The following ROBO2 variants were observed in gnomAD, a reference collection of about 807,000 sequenced individuals.
ROBO2 encodes the protein roundabout homolog 2.
ROBO2 carries 53 observed loss-of-function variants against 160.8 expected under a neutral mutation model. The ratio of observed to expected loss-of-function variants is 0.33; its 90% CI spans 0.26 to 0.41. The LOEUF (loss-of-function observed/expected upper bound fraction) is 0.41. Among genes scored for constraint, ROBO2 ranks in the 10% least tolerant of loss-of-function variants. The probability of loss-of-function intolerance (pLI) is 1.00; values close to 1 mark genes in which losing one functional copy is unlikely to be tolerated. For missense variants in ROBO2, 1,577 were observed against 1,722.4 expected, an observed-to-expected ratio of 0.92 and a Z score of 1.49; for synonymous variants, 664 against 611.7, an observed-to-expected ratio of 1.09 and a Z score of -1.26.
chr3:75,956,384 G>T (rs1429465198), intron 2 of ROBO2, among the ~76,000 whole-genome samples: 1 of 151,648 alleles, frequency 6.6e-6, no homozygotes, highest in Non-Finnish European at 1.5e-5. Flanking sequence ...TCTCTGGATT[G>T]TGAGACTTAT....
intron 2 of ROBO2, among the ~76,000 whole-genome samples, chr3:76,220,578 C>G (rs1326928037): frequency 2.0e-5 from 3 of 152,124 alleles, no homozygotes; most frequent in African/African-American, 4.8e-5. Flanking sequence ...GCCTCCAAAA[C>G]TGTGAAAAAT....
At chr3:77,356,684 G>A (rs1044930914) in intron 2 of ROBO2, among the ~76,000 whole-genome samples, 3 of 152,072 alleles carry the variant, frequency 2.0e-5, no homozygotes, top group Non-Finnish European at 2.9e-5. Context: ...ATTAGTAAAC[G>A]GTTAAAATAT....
At chr3:76,670,343 T>G (rs765310782) in intron 2 of ROBO2, among the ~76,000 whole-genome samples, 2 of 151,946 alleles carry the variant, frequency 1.3e-5, no homozygotes, top group African/African-American at 2.4e-5. Context: ...TCATAGTAGT[T>G]TCTTTCAGGT....
At position 77,048,753 on chromosome 3, in the gene ROBO2, TG is replaced by T. The variant is rs371012269; in HGVS notation, c.61+7908del. Among the ~76,000 whole-genome samples, 22 of 152,348 alleles carry T rather than the reference TG, an allele frequency of 1.4e-4. 1 individual carries two copies. Among genetic ancestry groups the T allele is most frequent in the African/African-American group, 5.3e-4 (22 of 41,586 alleles). Reference sequence around the variant, plus strand: ...TTTATAATTATCCATTAGTTACATTTGCACAATGAGTAGTTATGCATATCAG... The same window carrying T: ...TTTATAATTATCCATTAGTTACATTTCACAATGAGTAGTTATGCATATCAG... On this transcript the variant is annotated intron_variant, in intron 1 of 25. Transcript: ENST00000461745.
chr3:77,120,648 G>T (rs2074661906), intron 2 of ROBO2, among the ~76,000 whole-genome samples: 1 of 152,112 alleles, frequency 6.6e-6, no homozygotes, highest in Non-Finnish European at 1.5e-5. Context: ...GATAGGAGTT[G>T]GCTTTGAAGA....
chr3:76,917,786 TA>T (rs5850301), intron 2 of ROBO2, among the ~76,000 whole-genome samples: 26,979 of 151,168 alleles, frequency 0.18, 2,401 homozygotes, highest in Non-Finnish European at 0.19. Flanking sequence ...AGTTTTATTC[TA>T]AAAAAAAATG....
intron 2 of ROBO2, among the ~76,000 whole-genome samples, chr3:77,457,599 A>G (rs2081807787): frequency 6.6e-6 from 1 of 152,122 alleles, no homozygotes; most frequent in Non-Finnish European, 1.5e-5. Context: ...CCCATACAAC[A>G]GGGATCACTT....
chr3:76,664,345 C>T (rs1269141169), intron 2 of ROBO2, among the ~76,000 whole-genome samples: 1 of 152,084 alleles, frequency 6.6e-6, no homozygotes, highest in Non-Finnish European at 1.5e-5. Flanking sequence ...GGAAGAAAAA[C>T]TGAAGGCTAC....
intron 2 of ROBO2, among the ~76,000 whole-genome samples, chr3:76,442,699 T>C (rs1456368366): frequency 6.6e-6 from 1 of 152,170 alleles, no homozygotes; most frequent in Non-Finnish European, 1.5e-5. Flanking sequence ...ATCTTCCCAC[T>C]CCATTCTGCC....
At chr3:77,470,098 G>C (rs182974676) in intron 2 of ROBO2, among the ~76,000 whole-genome samples, 231 of 152,264 alleles carry the variant, frequency 1.5e-3, no homozygotes, top group African/African-American at 5.3e-3. Context: ...TGATAATTAG[G>C]TGTTCCTTCA....
intron 2 of ROBO2, among the ~76,000 whole-genome samples, chr3:76,149,910 C>T (rs375343278): frequency 1.3e-5 from 2 of 150,746 alleles, no homozygotes. Flanking sequence ...CTAAAACACA[C>T]ATCTGTCTAA....
At chr3:77,010,853 T>TCCCTCTCTCC (rs1553726477) in intron 2 of ROBO2, among the ~76,000 whole-genome samples, 12 of 93,500 alleles carry the variant, frequency 1.3e-4, no homozygotes, top group Non-Finnish European at 2.3e-4. Context: ...TCCCTCCCTC[T>TCCCTCTCTCC]CTCCCTCCCT....
intron 1 of ROBO2, among the ~76,000 whole-genome samples, chr3:75,907,244 C>T (rs1010569117): frequency 2.6e-5 from 4 of 152,148 alleles, no homozygotes; most frequent in Admixed American, 2.6e-4. Flanking sequence ...GCTTTTAAGA[C>T]GGAAATTTGG....
intron 2 of ROBO2, among the ~76,000 whole-genome samples, chr3:76,708,881 T>C (rs2093227967): frequency 6.6e-6 from 1 of 152,076 alleles, no homozygotes; most frequent in South Asian, 2.1e-4. Context: ...ACCCAAGAGA[T>C]ATTAGGTAAA....
At chr3:76,436,349 C>A (rs1042021168) in intron 2 of ROBO2, among the ~76,000 whole-genome samples, 14 of 152,202 alleles carry the variant, frequency 9.2e-5, no homozygotes, top group African/African-American at 3.1e-4. Flanking sequence ...TCCTTCCCTG[C>A]CAGGTACCTG....
chr3:76,674,250 A>C (rs895555958), intron 2 of ROBO2, among the ~76,000 whole-genome samples: 2 of 152,164 alleles, frequency 1.3e-5, no homozygotes, highest in African/African-American at 4.8e-5. Flanking sequence ...GAAAAATTAA[A>C]ATCCCAATAA....
At chr3:77,232,925 T>G (rs2087420018) in intron 2 of ROBO2, among the ~76,000 whole-genome samples, 1 of 152,334 alleles carries the variant, frequency 6.6e-6, no homozygotes, top group African/African-American at 2.4e-5. Flanking sequence ...CCTAAAATTA[T>G]ATATGATTTC....
At chr3:76,989,867 C>A (rs1388437596) in intron 2 of ROBO2, among the ~76,000 whole-genome samples, 1 of 152,118 alleles carries the variant, frequency 6.6e-6, no homozygotes, top group Non-Finnish European at 1.5e-5. Flanking sequence ...GGCCCATACA[C>A]ATGTGGGCAT....
At chr3:76,469,712 T>C (rs550095926) in intron 2 of ROBO2, among the ~76,000 whole-genome samples, 29 of 152,188 alleles carry the variant, frequency 1.9e-4, no homozygotes, top group African/African-American at 7.0e-4. Flanking sequence ...ATCCCTCTAG[T>C]TAGTCACAGA....
Sources: allele counts gnomAD v4.1 joint callset (sites outside exome capture counted in the v4.1 genomes callset), GRCh38; gene constraint gnomAD v4.1.1; transcripts MANE v1.5; gene names NCBI Gene and HGNC (gene_info 2026-07-23, HGNC 2026-07-21).